Variants in REDIC1 observed in about 807,000 individuals in gnomAD.
The protein encoded by REDIC1 is HEI10 Interacting Protein 1.
At chr12:39,679,021 C>T in the REDIC1 span, among the ~76,000 whole-genome samples, 589 of 152,118 alleles carry the variant, frequency 3.9e-3, 4 homozygotes, top group African/African-American at 0.013. Context: ...TGAAAGCATT[C>T]CCCCCAAGAA....
the REDIC1 span, among the ~76,000 whole-genome samples, chr12:39,878,063 A>G: frequency 6.6e-6 from 1 of 152,316 alleles, no homozygotes; most frequent in East Asian, 1.9e-4. Flanking sequence ...CCATAATTGC[A>G]GGCTTCCTAA....
At chr12:39,701,469 G>A in the REDIC1 span, among the ~76,000 whole-genome samples, 1 of 152,122 alleles carries the variant, frequency 6.6e-6, no homozygotes, top group Admixed American at 6.6e-5. Context: ...AAGAGACGTA[G>A]ACTCCCACAC....
At chr12:39,819,166 G>A in the REDIC1 span, among the ~76,000 whole-genome samples, 1 of 152,108 alleles carries the variant, frequency 6.6e-6, no homozygotes, top group African/African-American at 2.4e-5. Context: ...CACACTTGCA[G>A]TCTCATTTTT....
the REDIC1 span, chr12:39,759,859 A>T: frequency 1.8e-6 from 1 of 569,168 alleles, no homozygotes; most frequent in Non-Finnish European, 3.1e-6. Flanking sequence ...TGGAAAAAAA[A>T]AGTCATCATG....
At chr12:39,663,101 G>A in the REDIC1 span, among the ~76,000 whole-genome samples, 1 of 151,746 alleles carries the variant, frequency 6.6e-6, no homozygotes, top group African/African-American at 2.4e-5. Flanking sequence ...TTGTATCCTT[G>A]CCTGGTTTTG....
the REDIC1 span, among the ~76,000 whole-genome samples, chr12:39,655,993 C>A: frequency 1.3e-5 from 2 of 151,148 alleles, no homozygotes; most frequent in Non-Finnish European, 3.0e-5. Context: ...TTTTTTTCTT[C>A]TTTTTCTAAT....
chr12:39,726,956 T>C, the REDIC1 span, among the ~76,000 whole-genome samples: 1 of 152,250 alleles, frequency 6.6e-6, no homozygotes, highest in Admixed American at 6.5e-5. Flanking sequence ...GCTGCATAAA[T>C]GTCTTCTTTT....
chr12:39,683,345 T>G, the REDIC1 span: 1 of 1,217,638 alleles, frequency 8.2e-7, no homozygotes, highest in Admixed American at 1.9e-5. Context: ...CATGTGAATA[T>G]GCTTTGAATT....
the REDIC1 span, among the ~76,000 whole-genome samples, chr12:39,888,222 A>T: frequency 6.6e-6 from 1 of 152,036 alleles, no homozygotes; most frequent in African/African-American, 2.4e-5. Context: ...TTTTATTTAT[A>T]TTTATTTATT....
the REDIC1 span, among the ~76,000 whole-genome samples, chr12:39,768,657 T>C: frequency 2.6e-5 from 4 of 152,052 alleles, no homozygotes; most frequent in East Asian, 7.7e-4. Context: ...ACAACATTTA[T>C]AATTAAGTTT....
the REDIC1 span, chr12:39,683,482 T>A: frequency 3.2e-6 from 5 of 1,585,270 alleles, no homozygotes; most frequent in Non-Finnish European, 4.3e-6. Context: ...CAGCAAACTC[T>A]ATGTAAGTTT....
At chr12:39,905,587 AT>A in the REDIC1 span, among the ~76,000 whole-genome samples, 1 of 152,158 alleles carries the variant, frequency 6.6e-6, no homozygotes, top group Non-Finnish European at 1.5e-5. Context: ...GTAAATGTGT[AT>A]GAGTGAATTT....
chr12:39,844,130 C>T, the REDIC1 span, among the ~76,000 whole-genome samples: 1 of 152,006 alleles, frequency 6.6e-6, no homozygotes, highest in Admixed American at 6.6e-5. Flanking sequence ...TTGATGTGTC[C>T]CTAAAAAGCT....
At chr12:39,757,648 AG>A in the REDIC1 span, 1 of 152,018 alleles carries the variant, frequency 6.6e-6, no homozygotes, top group Admixed American at 6.6e-5. Flanking sequence ...AGTCCTTTAA[AG>A]TAGGGGCTCA....
chr12:39,896,309 CATATATGT>C, the REDIC1 span, among the ~76,000 whole-genome samples: 1 of 83,902 alleles, frequency 1.2e-5, no homozygotes, highest in South Asian at 4.0e-4. Context: ...TATATGTATA[CATATATGT>C]ATGTATATGT....
the REDIC1 span, among the ~76,000 whole-genome samples, chr12:39,892,578 T>C: frequency 2.6e-5 from 4 of 152,214 alleles, no homozygotes; most frequent in African/African-American, 9.6e-5. Flanking sequence ...TTTTGACCAA[T>C]AAATTGGGTG....
chr12:39,632,532 G>A, the REDIC1 span, among the ~76,000 whole-genome samples: 348 of 152,126 alleles, frequency 2.3e-3, 2 homozygotes, highest in South Asian at 5.2e-3. Context: ...ATGTATATAT[G>A]TATGTATGCA....
At chr12:39,856,810 T>G in the REDIC1 span, among the ~76,000 whole-genome samples, 2 of 152,352 alleles carry the variant, frequency 1.3e-5, no homozygotes, top group East Asian at 3.9e-4. Flanking sequence ...TACCAGAGTG[T>G]TTTAAGTGTT....
the REDIC1 span, among the ~76,000 whole-genome samples, chr12:39,694,441 ACAGT>A: frequency 6.6e-6 from 1 of 152,004 alleles, no homozygotes; most frequent in African/African-American, 2.4e-5. Context: ...GGGGAGAGGG[ACAGT>A]CAGTGCAGCA....
Sources: allele counts gnomAD v4.1 joint callset (sites outside exome capture counted in the v4.1 genomes callset), GRCh38; gene constraint gnomAD v4.1.1; transcripts MANE v1.5; gene names NCBI Gene and HGNC (gene_info 2026-07-23, HGNC 2026-07-21).